AVEN: variants seen among roughly 807,000 people sequenced by gnomAD.
AVEN encodes the protein cell death regulator Aven.
AVEN carries 41 observed loss-of-function variants against 38.1 expected under a neutral mutation model. That is an observed-to-expected ratio of 1.08 (90% CI 0.84 to 1.40). AVEN has a LOEUF of 1.40. Among genes scored for constraint, AVEN ranks in the 40% most tolerant of loss-of-function variants. The pLI, the probability that AVEN is intolerant of heterozygous loss-of-function variation, is 0.00. For missense variants in AVEN, 605 were observed against 438.8 expected (o/e 1.38, Z -3.38); for synonymous variants, 206 against 171.8 (o/e 1.20, Z -1.56).
chr15:34,045,451 C>T (rs1190114235), intron 5 of AVEN, among the ~76,000 whole-genome samples: 4 of 152,212 alleles, frequency 2.6e-5, no homozygotes, highest in Admixed American at 6.5e-5. Flanking sequence ...TTCATTCACA[C>T]GCTCTTTCAC....
At position 33,880,095 on chromosome 15, in the gene AVEN, C is replaced by A. The variant is rs575817510; in HGVS notation, c.446-4100G>T. ...CCCTAAAACAACCATTAAAATAAAA[C>A]CCTCTTAACAAACAAACAAACAAAA... On this transcript the variant is annotated intron_variant, in intron 2 of 5. Coordinates refer to ENST00000306730, the MANE Select transcript of AVEN (RefSeq NM_020371.3). 1.9e-3 allele frequency among the ~76,000 whole-genome samples: 294 copies of A among 152,086 alleles called. 2 individuals carry two copies. The highest frequency in any genetic ancestry group is 3.7e-3 in the Non-Finnish European group (253 of 68,020).
chr15:33,997,763 T>C (rs1896996241), intron 2 of AVEN, among the ~76,000 whole-genome samples: 1 of 152,198 alleles, frequency 6.6e-6, no homozygotes, highest in African/African-American at 2.4e-5. Flanking sequence ...TTTCCCTCTC[T>C]CATTTCATTG....
At chr15:33,963,278 A>G (rs953175839) in intron 2 of AVEN, among the ~76,000 whole-genome samples, 5 of 152,194 alleles carry the variant, frequency 3.3e-5, no homozygotes, top group Non-Finnish European at 7.3e-5. Context: ...GACTGTTTCT[A>G]TGAGATACCT....
intron 2 of AVEN, chr15:33,972,138 C>T (rs2632088): frequency 6.6e-6 from 1 of 152,084 alleles, no homozygotes; most frequent in African/African-American, 2.4e-5. Context: ...TCACAGTTTT[C>T]TCATTAATAA....
chr15:33,888,327 A>AG (rs372488891), intron 2 of AVEN, among the ~76,000 whole-genome samples: 9 of 150,578 alleles, frequency 6.0e-5, no homozygotes, highest in African/African-American at 2.2e-4. Context: ...GGCAGGGGGA[A>AG]GGGGGGCATA....
At chr15:33,939,870 C>T (rs912112848) in intron 2 of AVEN, among the ~76,000 whole-genome samples, 1 of 152,156 alleles carries the variant, frequency 6.6e-6, no homozygotes, top group South Asian at 2.1e-4. Context: ...TAATATCCCT[C>T]TTTTTACTTT....
At chr15:33,856,750 C>T (rs796465030), downstream of AVEN, 28 of 152,746 alleles carry the variant, frequency 1.8e-4, 1 homozygote, top group African/African-American at 6.3e-4. Flanking sequence ...CCTCCGACTC[C>T]TGGGTTCAAG....
intron 2 of AVEN, among the ~76,000 whole-genome samples, chr15:33,889,452 T>C (rs552092251): frequency 1.3e-5 from 2 of 152,318 alleles, no homozygotes; most frequent in African/African-American, 4.8e-5. Context: ...CTGAAAACTC[T>C]AAAATAATAT....
chr15:34,023,888 A>T (rs1186097727), intron 1 of AVEN, among the ~76,000 whole-genome samples: 2 of 152,196 alleles, frequency 1.3e-5, no homozygotes, highest in African/African-American at 4.8e-5. Flanking sequence ...ATTTAAACTC[A>T]TTCTGGCTCT....
chr15:34,000,846 C>A (rs887533495), intron 2 of AVEN, among the ~76,000 whole-genome samples: 8 of 151,976 alleles, frequency 5.3e-5, no homozygotes, highest in Non-Finnish European at 7.4e-5. Flanking sequence ...ACCAAAAAAA[C>A]CAAAACCAAT....
intron 1 of AVEN, among the ~76,000 whole-genome samples, chr15:34,017,041 G>A (rs1897950125): frequency 6.6e-6 from 1 of 152,024 alleles, no homozygotes; most frequent in Admixed American, 6.6e-5. Flanking sequence ...TGAGGTGGGA[G>A]GATCACCTCA....
At chr15:33,892,359 G>C (rs909913294) in intron 2 of AVEN, among the ~76,000 whole-genome samples, 6 of 152,138 alleles carry the variant, frequency 3.9e-5, no homozygotes, top group Non-Finnish European at 5.9e-5. Context: ...TATGGTTTTA[G>C]GTCTAACAGT....
intron 1 of AVEN, among the ~76,000 whole-genome samples, chr15:34,021,088 T>G (rs1898179984): frequency 6.6e-6 from 1 of 152,242 alleles, no homozygotes. Flanking sequence ...TTTGAATTTA[T>G]TCTCCTTTTC....
chr15:33,933,524 CAGAGAGAGAGAGAGAG>C (rs3086294), intron 2 of AVEN, among the ~76,000 whole-genome samples: 599 of 46,558 alleles, frequency 0.013, 9 homozygotes, highest in African/African-American at 0.036. Flanking sequence ...CACACACACA[CAGAGAGAGAGAGAGAG>C]AGAGAGAGAG....
intron 1 of AVEN, among the ~76,000 whole-genome samples, chr15:34,020,219 G>A (rs893364709): frequency 1.3e-5 from 2 of 152,042 alleles, no homozygotes; most frequent in African/African-American, 4.8e-5. Context: ...GCTGAGGCAG[G>A]AGAATGGCGT....
At chr15:33,857,910 T>C (rs1442820852), downstream of AVEN, 28 of 1,613,942 alleles carry the variant, frequency 1.7e-5, no homozygotes, top group East Asian at 2.2e-5. Context: ...GACGACATGA[T>C]GACGGTGAGA....
At chr15:33,871,791 A>AAAAAAAAAAAAAAAAAAAAAAAAG (rs1890965933) in intron 3 of AVEN, among the ~76,000 whole-genome samples, 2 of 151,482 alleles carry the variant, frequency 1.3e-5, no homozygotes, top group African/African-American at 4.9e-5. Context: ...AAAAAAAAAA[A>AAAAAAAAAAAAAAAAAAAAAAAAG]GCCACTTTGT....
At chr15:33,867,430 G>C (rs185248315) in intron 5 of AVEN, 65 bp downstream of exon 5, 1 of 1,525,200 alleles carries the variant, frequency 6.6e-7, no homozygotes, top group Non-Finnish European at 8.8e-7. Context: ...GATGTGATGC[G>C]GGCGGGGCTG....
At chr15:34,062,983 C>T (rs1260480118) in exon 5 of AVEN, 2 of 1,614,218 alleles carry the variant, frequency 1.2e-6, no homozygotes, top group African/African-American at 1.3e-5. Context: ...CTCTACACCA[C>T]CTACATCCTC....
Sources: gnomAD v4.1 joint callset for allele counts (sites outside exome capture counted in the v4.1 genomes callset) on GRCh38, gnomAD v4.1.1 for gene constraint, MANE v1.5 for transcripts, NCBI Gene and HGNC (gene_info 2026-07-23, HGNC 2026-07-21) for gene names.